Variants in CORO2B observed in about 807,000 individuals in gnomAD.
CORO2B encodes the protein coronin-2B.
Under a neutral mutation model 58.8 loss-of-function variants are expected in CORO2B, and 26 were observed. The ratio of observed to expected loss-of-function variants is 0.44; its 90% CI spans 0.32 to 0.61. The LOEUF (loss-of-function observed/expected upper bound fraction) is 0.61. Among genes scored for constraint, CORO2B ranks in the 20% least tolerant of loss-of-function variants. The pLI is 0.04. For synonymous variants in CORO2B, 242 were observed against 253.8 expected, an observed-to-expected ratio of 0.95 and a Z score of 0.44; for missense variants, 460 against 645.1, an observed-to-expected ratio of 0.71 and a Z score of 3.11.
chr15:68,643,217 GA>G (rs1217008137), intron 1 of CORO2B, among the ~76,000 whole-genome samples: 3 of 152,092 alleles, frequency 2.0e-5, no homozygotes. Context: ...CCCACTTTGG[GA>G]ATAGTTGGTG....
intron 1 of CORO2B, among the ~76,000 whole-genome samples, chr15:68,619,727 A>G (rs1444816755): frequency 6.6e-6 from 1 of 151,790 alleles, no homozygotes; most frequent in Admixed American, 6.6e-5. Flanking sequence ...ATATATGTAC[A>G]TGTACATATA....
chr15:68,702,821 CTT>C (rs113249272), intron 3 of CORO2B, among the ~76,000 whole-genome samples: 1,748 of 96,090 alleles, frequency 0.018, 22 homozygotes, highest in African/African-American at 0.075. Context: ...TTTTCTTTTT[CTT>C]TTTTTTTTTT....
At chr15:68,672,159 GGTGTGTGTGTGT>G (rs60989044) in intron 2 of CORO2B, among the ~76,000 whole-genome samples, 3 of 146,178 alleles carry the variant, frequency 2.1e-5, no homozygotes, top group Non-Finnish European at 4.5e-5. Context: ...GTAATCGGGA[GGTGTGTGTGTGT>G]GTGTGTGTGT....
intron 2 of CORO2B, among the ~76,000 whole-genome samples, chr15:68,652,771 G>T (rs918744151): frequency 6.6e-6 from 1 of 152,210 alleles, no homozygotes; most frequent in African/African-American, 2.4e-5. Context: ...AGAAACAGAG[G>T]CTCAGAAAAG....
intron 1 of CORO2B, among the ~76,000 whole-genome samples, chr15:68,607,059 A>G (rs1900142078): frequency 6.6e-6 from 1 of 152,046 alleles, no homozygotes; most frequent in Non-Finnish European, 1.5e-5. Flanking sequence ...CAAGCTCGAG[A>G]TAGATATTGG....
intron 2 of CORO2B, among the ~76,000 whole-genome samples, chr15:68,658,310 G>GGA (rs1901890379): frequency 6.6e-6 from 1 of 151,594 alleles, no homozygotes; most frequent in African/African-American, 2.4e-5. Flanking sequence ...TGGAGGAGGA[G>GGA]GGCGAGATGC....
At chr15:68,632,174 G>A (rs1481241978) in intron 1 of CORO2B, 1 of 985,434 alleles carries the variant, frequency 1.0e-6, no homozygotes, top group Non-Finnish European at 1.2e-6. Flanking sequence ...CTGCACCCGT[G>A]GCCCCCATGT....
intron 1 of CORO2B, among the ~76,000 whole-genome samples, chr15:68,636,517 T>C (rs1370548014): frequency 1.3e-5 from 2 of 152,122 alleles, no homozygotes; most frequent in Non-Finnish European, 2.9e-5. Flanking sequence ...ATCCACTCCC[T>C]GATAGCATGA....
intron 2 of CORO2B, among the ~76,000 whole-genome samples, chr15:68,685,492 G>A (rs929610452): frequency 3.3e-5 from 5 of 152,292 alleles, no homozygotes; most frequent in African/African-American, 7.2e-5. Flanking sequence ...GATTACAGGC[G>A]TGAGCCACCG....
the CORO2B span, among the ~76,000 whole-genome samples, chr15:68,548,782 C>A: frequency 1.4e-3 from 211 of 152,280 alleles, 5 homozygotes; most frequent in South Asian, 0.043. Context: ...AGTGGTACAA[C>A]CAGTGAGGTT....
chr15:68,700,178 C>G (rs115161743), intron 3 of CORO2B, among the ~76,000 whole-genome samples: 378 of 152,264 alleles, frequency 2.5e-3, no homozygotes, highest in African/African-American at 8.1e-3. Flanking sequence ...TTGCTGCTCA[C>G]CAGACACGAC....
At chr15:68,609,873 C>T (rs534694780) in intron 1 of CORO2B, among the ~76,000 whole-genome samples, 5 of 152,194 alleles carry the variant, frequency 3.3e-5, no homozygotes, top group East Asian at 1.9e-4. Flanking sequence ...TAGGGGAGCA[C>T]GAAGCGGTCT....
intron 2 of CORO2B, among the ~76,000 whole-genome samples, chr15:68,671,241 T>C (rs1902383245): frequency 6.6e-6 from 1 of 152,216 alleles, no homozygotes; most frequent in Non-Finnish European, 1.5e-5. Context: ...TTCCTCTGTA[T>C]TTCCCAATTT....
In CORO2B at chr15:68,722,704, A is replaced by G. The variant is rs79458049; in HGVS notation, c.1312-3139A>G. On this transcript the variant is annotated intron_variant, in intron 11 of 11. Transcript: ENST00000261861. ...GCACGTCATCCCTCTCAACAGATGT[A>G]ACTGGGACTGGTGGTTTGTTAGTTA... 1.7e-3 allele frequency among the ~76,000 whole-genome samples: 265 copies of G among 152,382 alleles called. 4 individuals carry two copies. In the East Asian group the frequency reaches 0.047, roughly 27 times the overall value.
the CORO2B span, among the ~76,000 whole-genome samples, chr15:68,526,058 C>T: frequency 9.8e-4 from 149 of 152,218 alleles, no homozygotes; most frequent in Non-Finnish European, 1.5e-3. Flanking sequence ...TCTCATTCAG[C>T]GTAATTATTC....
chr15:68,604,800 G>A (rs1467372444), intron 1 of CORO2B, among the ~76,000 whole-genome samples: 2 of 152,106 alleles, frequency 1.3e-5, no homozygotes, highest in Non-Finnish European at 2.9e-5. Flanking sequence ...TTAATAATTA[G>A]GAGAAAATTA....
chr15:68,545,605 CGG>C, the CORO2B span, among the ~76,000 whole-genome samples: 37 of 68,874 alleles, frequency 5.4e-4, no homozygotes, highest in Admixed American at 2.1e-3. Context: ...AACAGGAATG[CGG>C]GGGGCGGGGG....
rs909317931 is a variant in CORO2B at position 68,710,967 on chromosome 15, C to T, written c.483+86C>T. The T allele has an allele frequency of 4.3e-6, 6 of 1,392,086 alleles. No individual in the cohort carries two copies. In the South Asian group the frequency reaches 7.8e-5, roughly 18 times the overall value. 86.2% of individuals were successfully genotyped at this position (1,392,086 alleles called of 1,614,324 possible). The stretch of plus-strand genomic sequence containing the variant: ...GTACCCGTAGGAAGCACTGTTGCTT[C>T]CTAAGCAACCAATATGGCCTCATCT... On this transcript the variant is annotated intron_variant, in intron 4 of 11. Transcript: ENST00000261861. This position sits in a 1 kb window ranked among gnomAD's most constrained non-coding sequence, Gnocchi z 4.1.
At chr15:68,707,108 G>A (rs1245050298) in intron 3 of CORO2B, among the ~76,000 whole-genome samples, 1 of 152,086 alleles carries the variant, frequency 6.6e-6, no homozygotes, top group African/African-American at 2.4e-5. Context: ...TTACAAGCGC[G>A]CGCCACCACG....
Sources: allele counts gnomAD v4.1 joint callset (sites outside exome capture counted in the v4.1 genomes callset), GRCh38; gene constraint gnomAD v4.1.1; non-coding constraint Gnocchi (gnomAD v3.1); transcripts MANE v1.5; gene names NCBI Gene and HGNC (gene_info 2026-07-23, HGNC 2026-07-21).